Variants in DLGAP1 observed in about 807,000 individuals in gnomAD.
DLGAP1 encodes the protein DLG associated protein 1.
DLGAP1 carries 11 observed loss-of-function variants against 90.8 expected under a neutral mutation model. That is an observed-to-expected ratio of 0.12 (90% CI 0.08 to 0.20). The LOEUF (loss-of-function observed/expected upper bound fraction) is 0.20, where lower values mean the gene tolerates loss of function less well. DLGAP1 is among the 10% of genes least tolerant of loss of function. The pLI is 1.00. For synonymous variants in DLGAP1, 558 were observed against 540.7 expected, an observed-to-expected ratio of 1.03 and a Z score of -0.44; for missense variants, 1,050 against 1,333.8, an observed-to-expected ratio of 0.79 and a Z score of 3.31.
At chr18:3,617,518 G>T (rs559661128) in intron 7 of DLGAP1, among the ~76,000 whole-genome samples, 7 of 150,030 alleles carry the variant, frequency 4.7e-5, no homozygotes, top group African/African-American at 1.7e-4. Context: ...AAGAATCCGG[G>T]AGGTGGAGGT....
intron 7 of DLGAP1, among the ~76,000 whole-genome samples, chr18:3,656,760 T>C (rs1224660044): frequency 6.6e-6 from 1 of 150,872 alleles, no homozygotes; most frequent in Non-Finnish European, 1.5e-5. Context: ...TGAGACAGAG[T>C]CTCGCTCTGT....
intron 1 of DLGAP1, among the ~76,000 whole-genome samples, chr18:4,312,922 G>C (rs2143480691): frequency 6.6e-6 from 1 of 152,262 alleles, no homozygotes; most frequent in African/African-American, 2.4e-5. Context: ...TTTAGTGTTA[G>C]TTGTGCAAAC....
At chr18:3,652,058 G>A (rs1425002367) in intron 7 of DLGAP1, among the ~76,000 whole-genome samples, 1 of 151,866 alleles carries the variant, frequency 6.6e-6, no homozygotes, top group Admixed American at 6.6e-5. Context: ...CAGCTACTCA[G>A]GGGGCTGAGG....
intron 3 of DLGAP1, among the ~76,000 whole-genome samples, chr18:3,881,523 G>A (rs1028886435): frequency 5.9e-5 from 9 of 152,118 alleles, no homozygotes; most frequent in African/African-American, 2.2e-4. Flanking sequence ...TTGCCTCCCA[G>A]TCTATTAGTC....
At chr18:3,549,121 A>G (rs2053230229) in intron 9 of DLGAP1, among the ~76,000 whole-genome samples, 1 of 152,238 alleles carries the variant, frequency 6.6e-6, no homozygotes, top group African/African-American at 2.4e-5. Context: ...CAGTTTTAAA[A>G]TATCAAATGG....
intron 7 of DLGAP1, among the ~76,000 whole-genome samples, chr18:3,612,059 G>A (rs1268031535): frequency 6.6e-6 from 1 of 152,228 alleles, no homozygotes; most frequent in Non-Finnish European, 1.5e-5. Flanking sequence ...ATGCCTGAAA[G>A]GCAATATTGT....
chr18:3,572,180 G>A (rs557358671), intron 8 of DLGAP1, among the ~76,000 whole-genome samples: 3 of 148,480 alleles, frequency 2.0e-5, no homozygotes, highest in Non-Finnish European at 3.0e-5. Flanking sequence ...CGGGATTCAA[G>A]CGGTTCTCCC....
At position 3,600,801 on chromosome 18, in the gene DLGAP1, G is replaced by GATATATAGATATATAGAT. The variant is rs2056901299; in HGVS notation, c.1592-18554_1592-18553insATCTATATATCTATATAT. ...ATATATAGATATATATAGATATATA[G>GATATATAGATATATAGAT]ATATATAGATATATATAGATATATA... On this transcript the variant is annotated intron_variant, in intron 7 of 12. Coordinates refer to ENST00000315677, the MANE Select transcript of DLGAP1 (RefSeq NM_004746.4). Among the ~76,000 whole-genome samples, 7 of 15,426 alleles carry GATATATAGATATATAGAT rather than the reference G, an allele frequency of 4.5e-4. 1 individual carries two copies. Among genetic ancestry groups the GATATATAGATATATAGAT allele is most frequent in the African/African-American group, 2.3e-3 (7 of 3,104 alleles). The allele number at this position is 15,426 out of a possible 152,430, so 10.1% of individuals were successfully genotyped here.
intron 7 of DLGAP1, among the ~76,000 whole-genome samples, chr18:3,714,492 T>A (rs1432726152): frequency 1.3e-5 from 2 of 152,202 alleles, no homozygotes; most frequent in Non-Finnish European, 2.9e-5. Context: ...GTACAGTTCC[T>A]ATTAATGTTC....
chr18:4,286,478 G>A (rs1052175275), intron 1 of DLGAP1, among the ~76,000 whole-genome samples: 1 of 152,110 alleles, frequency 6.6e-6, no homozygotes, highest in Non-Finnish European at 1.5e-5. Context: ...GGTCTGGGAG[G>A]AAGCCACCCC....
chr18:3,767,469 C>A (rs2064302990), intron 5 of DLGAP1, among the ~76,000 whole-genome samples: 1 of 151,908 alleles, frequency 6.6e-6, no homozygotes. Context: ...AAACTATAGA[C>A]CTCATGAATA....
chr18:3,837,883 T>TAAAAAAA (rs2068492632), intron 4 of DLGAP1, among the ~76,000 whole-genome samples: 2 of 63,064 alleles, frequency 3.2e-5, no homozygotes, highest in African/African-American at 5.8e-5. Context: ...AAAAAAAAAG[T>TAAAAAAA]CAGGGACAAG....
At chr18:4,005,502 A>C (rs1028475919) in intron 2 of DLGAP1, among the ~76,000 whole-genome samples, 1 of 152,108 alleles carries the variant, frequency 6.6e-6, no homozygotes, top group Non-Finnish European at 1.5e-5. Flanking sequence ...ATATTTACCC[A>C]GTTCAATTAT....
At chr18:3,520,433 A>G (rs1802083789) in intron 10 of DLGAP1, among the ~76,000 whole-genome samples, 1 of 152,190 alleles carries the variant, frequency 6.6e-6, no homozygotes, top group South Asian at 2.1e-4. Context: ...GCATTTTCCT[A>G]AAATTTACAT....
rs58180172 is a variant in DLGAP1 at position 4,114,056 on chromosome 18, CTTTTTTTT to C, written c.-159+37116_-159+37123del. 2.8e-5 allele frequency among the ~76,000 whole-genome samples: 3 copies of C among 106,910 alleles called. No individual in the cohort carries two copies. The East Asian group carries it at 8.9e-4, about 32-fold the overall frequency. 70.1% of individuals were successfully genotyped at this position (106,910 alleles called of 152,430 possible). A position where few individuals can be genotyped will look rare whatever the true frequency, so the allele number is the denominator to read the frequency against. On this transcript the variant is annotated intron_variant, in intron 2 of 12. Coordinates refer to ENST00000315677, the MANE Select transcript of DLGAP1 (RefSeq NM_004746.4). Reference sequence around the variant, plus strand: ...AAGTTGAGTAATGTGATGCCTCTGGCTTTTTTTTTTTTTTTTTTTTGGTTTGCTTAGAA... The same window carrying C: ...AAGTTGAGTAATGTGATGCCTCTGGCTTTTTTTTTTTTGGTTTGCTTAGAA...
chr18:3,543,290 C>A (rs56017960), intron 9 of DLGAP1, among the ~76,000 whole-genome samples: 1 of 151,608 alleles, frequency 6.6e-6, no homozygotes, highest in Admixed American at 6.6e-5. Flanking sequence ...CCTGCCTCAG[C>A]CTCCCCCTTA....
At chr18:3,745,254 C>G (rs2063220254) in intron 5 of DLGAP1, among the ~76,000 whole-genome samples, 1 of 152,314 alleles carries the variant, frequency 6.6e-6, no homozygotes, top group East Asian at 1.9e-4. Context: ...AGTGATAAAA[C>G]AGTTCTAAAA....
At chr18:3,625,298 C>T (rs1247365942) in intron 7 of DLGAP1, among the ~76,000 whole-genome samples, 2 of 152,172 alleles carry the variant, frequency 1.3e-5, no homozygotes, top group South Asian at 4.1e-4. Flanking sequence ...CAGACAGTTT[C>T]TGTCCTCCCA....
chr18:4,257,440 T>C (rs2078911944), intron 1 of DLGAP1, among the ~76,000 whole-genome samples: 1 of 152,310 alleles, frequency 6.6e-6, no homozygotes, highest in Middle Eastern at 3.4e-3. Context: ...TCTGGCTAAA[T>C]AGGGTTAAAT....
Sources: gnomAD v4.1 joint callset for allele counts (sites outside exome capture counted in the v4.1 genomes callset) on GRCh38, gnomAD v4.1.1 for gene constraint, MANE v1.5 for transcripts, NCBI Gene and HGNC (gene_info 2026-07-23, HGNC 2026-07-21) for gene names.